Variants in P3H2 observed in about 807,000 individuals in gnomAD.
The protein encoded by P3H2 is prolyl 3-hydroxylase 2.
A neutral mutation model predicts 87.0 loss-of-function variants in P3H2; 80 were observed. The observed-to-expected ratio is 0.92, with a 90% confidence interval of 0.77 to 1.11. The LOEUF is 1.11. P3H2 is among the 50% of genes least tolerant of loss of function. The pLI, the probability that P3H2 is intolerant of heterozygous loss-of-function variation, is 0.00. For synonymous variants in P3H2, 367 were observed against 359.3 expected (o/e 1.02, Z -0.24); for missense variants, 1,001 against 923.9 (o/e 1.08, Z -1.08).
chr3:190,095,229 T>G (rs1262056203), intron 1 of P3H2, among the ~76,000 whole-genome samples: 1 of 148,046 alleles, frequency 6.8e-6, no homozygotes, highest in East Asian at 2.0e-4. Flanking sequence ...ACATTAAATA[T>G]CTAACCCAAA....
At chr3:190,061,795 C>G (rs925175370) in intron 1 of P3H2, among the ~76,000 whole-genome samples, 1 of 152,090 alleles carries the variant, frequency 6.6e-6, no homozygotes, top group Non-Finnish European at 1.5e-5. Context: ...ATGGAAAGAA[C>G]AGATGCTAGG....
At chr3:190,084,889 A>G (rs1220554747) in intron 1 of P3H2, among the ~76,000 whole-genome samples, 1 of 152,068 alleles carries the variant, frequency 6.6e-6, no homozygotes, top group Non-Finnish European at 1.5e-5. Flanking sequence ...CATAGTTCAT[A>G]GCTCTGTACC....
intron 13 of P3H2, chr3:189,968,987 C>CTAGATAT (rs1236650705): frequency 5.1e-6 from 1 of 194,916 alleles, no homozygotes; most frequent in Non-Finnish European, 1.0e-5. Context: ...TCTGTAGATT[C>CTAGATAT]TAGATATTAG....
chr3:189,999,171 C>T (rs969885842), intron 1 of P3H2, among the ~76,000 whole-genome samples: 1 of 152,168 alleles, frequency 6.6e-6, no homozygotes, highest in African/African-American at 2.4e-5. Flanking sequence ...AATGTGATTC[C>T]GTAGCTCTTG....
At chr3:190,034,733 A>T (rs1474367392) in intron 1 of P3H2, among the ~76,000 whole-genome samples, 1 of 152,164 alleles carries the variant, frequency 6.6e-6, no homozygotes, top group Admixed American at 6.5e-5. Context: ...GAATTTGTTG[A>T]TGGGAATCGA....
rs142900139 is a variant in P3H2 at position 190,070,374 on chromosome 3, G to T, written c.480+49878C>A. On this transcript the variant is annotated intron_variant, in intron 1 of 14. Transcript: ENST00000319332. ...TAGTACATAGGAAGATACAGAAGGGGTTCTAGTAAGCATCAGGTTCAACTT... is the reference window on the plus strand; with the variant it reads ...TAGTACATAGGAAGATACAGAAGGGTTTCTAGTAAGCATCAGGTTCAACTT... Among the ~76,000 whole-genome samples the T allele has an allele frequency of 4.4e-3, 664 of 152,216 alleles. 8 individuals are homozygous for T. Among genetic ancestry groups the T allele is most frequent in the African/African-American group, 0.015 (641 of 41,544 alleles).
intron 1 of P3H2, among the ~76,000 whole-genome samples, chr3:190,052,789 G>T (rs544323110): frequency 7.2e-5 from 11 of 151,910 alleles, no homozygotes; most frequent in Non-Finnish European, 1.5e-4. Flanking sequence ...ACATGTAAAA[G>T]AATATAATTT....
chr3:189,976,678 G>A (rs1469410840), intron 8 of P3H2, among the ~76,000 whole-genome samples: 6 of 152,108 alleles, frequency 3.9e-5, no homozygotes, highest in Non-Finnish European at 7.4e-5. Flanking sequence ...ATTATTAGTT[G>A]GCGTTAATAT....
At chr3:190,047,965 C>T (rs1186894179) in intron 1 of P3H2, among the ~76,000 whole-genome samples, 2 of 152,212 alleles carry the variant, frequency 1.3e-5, no homozygotes, top group African/African-American at 2.4e-5. Context: ...ATGCTTTACC[C>T]TTGTTTTATC....
At chr3:190,020,473 T>C (rs896139493) in intron 1 of P3H2, among the ~76,000 whole-genome samples, 2 of 134,464 alleles carry the variant, frequency 1.5e-5, no homozygotes, top group African/African-American at 5.1e-5. Context: ...AGTATTAATA[T>C]CAGTGGTAAC....
At chr3:189,980,775 C>CT (rs66896341) in intron 8 of P3H2, among the ~76,000 whole-genome samples, 2,228 of 152,046 alleles carry the variant, frequency 0.015, 42 homozygotes, top group African/African-American at 0.044. Flanking sequence ...TAAGAGTGTC[C>CT]TTTTTTACTT....
At position 189,977,155 on chromosome 3, in the gene P3H2, G is replaced by A. The variant is rs189836926; in HGVS notation, c.1325-2470C>T. Among the ~76,000 whole-genome samples the A allele has an allele frequency of 6.4e-4, 97 of 152,270 alleles. No homozygotes were observed. In the Middle Eastern group the frequency reaches 0.01, roughly 16 times the overall value. ...ATTGCCTCCCAACATTCATACAGCT[G>A]TGCAATTTGCTTCCCACAAGTGCGA... On this transcript the variant is annotated intron_variant, in intron 8 of 14. Coordinates refer to ENST00000319332, the MANE Select transcript of P3H2 (RefSeq NM_018192.4).
rs372362849 is a variant in P3H2, at chr3:190,065,897, C to T, written c.480+54355G>A. Among the ~76,000 whole-genome samples, 282 of 152,132 alleles carry T rather than the reference C, an allele frequency of 1.9e-3. 2 individuals carry two copies. Among genetic ancestry groups the T allele is most frequent in the African/African-American group, 6.5e-3 (268 of 41,512 alleles). On this transcript the variant is annotated intron_variant, in intron 1 of 14. Transcript: ENST00000319332. ...TGCTGTATCCCAGAGATTTTCATAGCTTGTGTCACTATTGTCGTTCAGGTA... is the reference window on the plus strand; with the variant it reads ...TGCTGTATCCCAGAGATTTTCATAGTTTGTGTCACTATTGTCGTTCAGGTA...
intron 1 of P3H2, among the ~76,000 whole-genome samples, chr3:189,997,622 G>A (rs563941445): frequency 5.3e-5 from 8 of 152,214 alleles, no homozygotes; most frequent in African/African-American, 1.9e-4. Context: ...TCCCATAATA[G>A]TAAAGCTTTC....
chr3:189,970,943 T>C (rs757156452), intron 12 of P3H2, 52 bp from the exon 13 acceptor site: 2 of 1,028,396 alleles, frequency 1.9e-6, no homozygotes, highest in South Asian at 2.5e-5. Flanking sequence ...TATGAGAGCA[T>C]GGTCATAGAA....
chr3:190,013,039 A>T (rs916936683), intron 1 of P3H2, among the ~76,000 whole-genome samples: 1 of 152,220 alleles, frequency 6.6e-6, no homozygotes, highest in Non-Finnish European at 1.5e-5. Flanking sequence ...AAAGCTGTTC[A>T]TATGGTTGTT....
In P3H2 at chr3:189,964,014, C is replaced by T. The variant is rs1722897435; in HGVS notation, c.1978G>A (p.Gly660Arg). 3.1e-6 allele frequency: 5 copies of T among 1,614,036 alleles called. No homozygotes were observed. Among genetic ancestry groups the T allele is most frequent in the Middle Eastern group, 1.6e-4 (1 of 6,080 alleles). The change falls in exon 14 of 15, where the codon GGA (glycine) becomes AGA (arginine). Residue 660 changes from glycine (G) to arginine (R), a missense_variant. By Grantham distance (125) the Gly-to-Arg change is moderately radical. Transcript: ENST00000319332. ...NPHGVKAVTKGKRCAVALWFT... is the reference protein window; with the variant it reads ...NPHGVKAVTKRKRCAVALWFT... The stretch of plus-strand genomic sequence containing the variant: ...CACAGAGCCACAGCACACCTCTTTC[C>T]CTTGGTGACTGCCTTCACCCCATGA...
At position 189,995,333 on chromosome 3, in the gene P3H2, A is replaced by T. The variant is rs1255250749; in HGVS notation, c.590T>A (p.Val197Asp). The T allele has an allele frequency of 3.7e-6, 6 of 1,614,136 alleles. No individual in the cohort carries two copies. The highest frequency in any genetic ancestry group is 5.1e-6 in the Non-Finnish European group (6 of 1,180,024). The change falls in exon 2 of 15, where the codon GTT becomes GAT. Residue 197 changes from valine (V) to aspartate (D), a missense_variant. Physicochemically the swap from Val to Asp is radical, Grantham distance 152 (BLOSUM62 -3). Transcript: ENST00000319332. ...TCTGTCTACCAACTGCAATGCTTCA[A>T]CACCAGCTGTCGCCCTGTAATTCTC... ...NIENYRATAG[V>D]EALQLVDREA...
chr3:189,967,153 C>T (rs532378888), intron 13 of P3H2, among the ~76,000 whole-genome samples: 1 of 152,060 alleles, frequency 6.6e-6, no homozygotes, highest in South Asian at 2.1e-4. Context: ...TTTTAGTTAT[C>T]TACGTTATTC....
Sources: allele counts gnomAD v4.1 joint callset (sites outside exome capture counted in the v4.1 genomes callset), GRCh38; gene constraint gnomAD v4.1.1; transcripts MANE v1.5; gene names NCBI Gene and HGNC (gene_info 2026-07-23, HGNC 2026-07-21).